The following NRXN1 variants were observed in gnomAD, a reference collection of about 807,000 sequenced individuals.
The protein encoded by NRXN1 is neurexin-1.
In NRXN1, 39 loss-of-function variants were observed where a neutral mutation model predicts 150.9. That is an observed-to-expected ratio of 0.26 (90% CI 0.20 to 0.34). NRXN1 has a LOEUF of 0.34. Among genes scored for constraint, NRXN1 ranks in the 10% least tolerant of loss-of-function variants. The probability of loss-of-function intolerance (pLI) is 1.00; values close to 1 mark genes in which losing one functional copy is unlikely to be tolerated. For missense variants in NRXN1, 1,815 were observed against 1,949.9 expected (o/e 0.93, Z 1.30); for synonymous variants, 924 against 757.0 (o/e 1.22, Z -3.62).
At chr2:50,236,632 G>A (rs965779590) in intron 18 of NRXN1, among the ~76,000 whole-genome samples, 157 bp downstream of exon 18, 3 of 151,058 alleles carry the variant, frequency 2.0e-5, no homozygotes, top group South Asian at 4.2e-4. Flanking sequence ...TACAGCAATA[G>A]GTATATGGTC....
chr2:50,994,562 A>G (rs12713128), intron 2 of NRXN1, among the ~76,000 whole-genome samples: 1 of 151,726 alleles, frequency 6.6e-6, no homozygotes, highest in Non-Finnish European at 1.5e-5. Flanking sequence ...CCTCATCATA[A>G]TCAGAGAATT....
At chr2:50,683,646 A>AAAATATATATATATATATATATAT in intron 5 of NRXN1, among the ~76,000 whole-genome samples, 1 of 14,908 alleles carries the variant, frequency 6.7e-5, no homozygotes. Flanking sequence ...AAAAAAAAAA[A>AAAATATATATATATATATATATAT]ATATATATAT....
At chr2:50,601,265 T>C (rs1676224214) in intron 8 of NRXN1, among the ~76,000 whole-genome samples, 1 of 152,104 alleles carries the variant, frequency 6.6e-6, no homozygotes, top group Admixed American at 6.6e-5. Flanking sequence ...ATTAAATCAG[T>C]GTGTTGTGAA....
At chr2:50,806,817 T>C (rs1197910771) in intron 5 of NRXN1, among the ~76,000 whole-genome samples, 12 of 152,190 alleles carry the variant, frequency 7.9e-5, no homozygotes, top group Admixed American at 6.5e-4. Flanking sequence ...TACTCAGAAA[T>C]ACATAATTTG....
intron 2 of NRXN1, among the ~76,000 whole-genome samples, chr2:50,977,952 C>A (rs1363370954): frequency 6.6e-6 from 1 of 151,538 alleles, no homozygotes; most frequent in African/African-American, 2.4e-5. Context: ...GAAAGGAAAG[C>A]TATACACCTT....
chr2:50,086,000 G>A (rs953908527), intron 19 of NRXN1, among the ~76,000 whole-genome samples: 3 of 152,140 alleles, frequency 2.0e-5, no homozygotes, highest in African/African-American at 7.2e-5. Flanking sequence ...CCACTAACGA[G>A]CATTGTGATC....
chr2:50,450,579 A>T (rs2104528557), intron 17 of NRXN1, among the ~76,000 whole-genome samples: 1 of 152,300 alleles, frequency 6.6e-6, no homozygotes, highest in East Asian at 1.9e-4. Context: ...TGCTCAATTA[A>T]TAATAGTCTC....
intron 5 of NRXN1, among the ~76,000 whole-genome samples, chr2:50,714,827 G>T (rs1264534948): frequency 2.0e-5 from 3 of 152,126 alleles, no homozygotes; most frequent in Non-Finnish European, 4.4e-5. Context: ...AGGATAATGG[G>T]CAGATCATTC....
chr2:50,105,418 A>C (rs1218685489), intron 18 of NRXN1: 1 of 152,024 alleles, frequency 6.6e-6, no homozygotes, highest in African/African-American at 2.4e-5. Context: ...TCTGTAAGAG[A>C]GGAACACTCA....
chr2:50,169,640 G>A (rs1237115224), intron 18 of NRXN1, among the ~76,000 whole-genome samples: 2 of 150,752 alleles, frequency 1.3e-5, no homozygotes, highest in Non-Finnish European at 2.9e-5. Context: ...TTGAACCCAG[G>A]AGCGGAGGTT....
chr2:50,093,209 T>TA (rs1245226582), intron 18 of NRXN1, among the ~76,000 whole-genome samples: 2 of 152,168 alleles, frequency 1.3e-5, no homozygotes, highest in Non-Finnish European at 2.9e-5. Context: ...TGAGTCAGTC[T>TA]ACACAATACT....
At chr2:50,890,162 C>T (rs2103814884) in intron 5 of NRXN1, among the ~76,000 whole-genome samples, 1 of 151,848 alleles carries the variant, frequency 6.6e-6, no homozygotes, top group East Asian at 1.9e-4. Flanking sequence ...TATCATGCAT[C>T]ACCTACTTCC....
At chr2:50,806,188 G>T (rs901922985) in intron 5 of NRXN1, among the ~76,000 whole-genome samples, 4 of 152,030 alleles carry the variant, frequency 2.6e-5, no homozygotes, top group African/African-American at 9.7e-5. Context: ...ATGTAGGCAG[G>T]ACCTCAAATA....
chr2:50,763,530 CTAGGCACTTAATAAA>C (rs1245593944), intron 5 of NRXN1, among the ~76,000 whole-genome samples: 1 of 151,526 alleles, frequency 6.6e-6, no homozygotes, highest in Non-Finnish European at 1.5e-5. Context: ...TATTATTATG[CTAGGCACTTAATAAA>C]TACTTGACAC....
rs144266173 is a variant in NRXN1, at chr2:50,508,565, A to C, written c.2375-1948T>G. 6.9e-3 allele frequency among the ~76,000 whole-genome samples: 1,044 copies of C among 151,860 alleles called. 18 individuals are homozygous for C. Among genetic ancestry groups the C allele is most frequent in the African/African-American group, 0.024 (1,002 of 41,416 alleles). ...CATTTTAGAGCTATTTTTATAGGGA[A>C]CTTTTTTTTTTTGTTAGAAATATGT... On this transcript the variant is annotated intron_variant, in intron 12 of 22. Transcript: ENST00000401669.
chr2:50,007,293 C>A (rs549945162), intron 21 of NRXN1, among the ~76,000 whole-genome samples: 2 of 152,068 alleles, frequency 1.3e-5, no homozygotes, highest in African/African-American at 4.8e-5. Flanking sequence ...TCGCAGTGAG[C>A]TTTGATCCCA....
At chr2:50,657,149 G>C (rs1686603975) in intron 5 of NRXN1, among the ~76,000 whole-genome samples, 1 of 151,930 alleles carries the variant, frequency 6.6e-6, no homozygotes, top group Admixed American at 6.6e-5. Flanking sequence ...CATTTCATCT[G>C]TGGGCTCATC....
At chr2:50,891,226 G>C (rs947181708) in intron 5 of NRXN1, among the ~76,000 whole-genome samples, 2 of 151,972 alleles carry the variant, frequency 1.3e-5, no homozygotes, top group Non-Finnish European at 2.9e-5. Context: ...ACCATGATAT[G>C]ATGACATGGA....
chr2:50,479,767 C>CTTTTTTTTTTTTTTTTT (rs35301086), intron 15 of NRXN1, among the ~76,000 whole-genome samples: 12 of 79,868 alleles, frequency 1.5e-4, no homozygotes, highest in South Asian at 5.8e-4. Flanking sequence ...ATTTCTTTTT[C>CTTTTTTTTTTTTTTTTT]TTTTTTTTTT....
Sources: gnomAD v4.1 joint callset for allele counts (sites outside exome capture counted in the v4.1 genomes callset) on GRCh38, gnomAD v4.1.1 for gene constraint, MANE v1.5 for transcripts, NCBI Gene and HGNC (gene_info 2026-07-23, HGNC 2026-07-21) for gene names.